Variants in LUZP1 observed in about 807,000 individuals in gnomAD.
LUZP1 encodes filamin mechanobinding actin cross-linking protein.
In LUZP1, 25 loss-of-function variants were observed where a neutral mutation model predicts 71.3. That is an observed-to-expected ratio of 0.35 (90% CI 0.26 to 0.49). The LOEUF is 0.49. LUZP1 is among the 20% of genes least tolerant of loss of function. LUZP1 has a pLI of 0.99. For missense variants in LUZP1, 1,142 were observed against 1,300.8 expected (o/e 0.88, Z 1.88); for synonymous variants, 481 against 506.4 (o/e 0.95, Z 0.67).
intron 2 of LUZP1, among the ~76,000 whole-genome samples, chr1:23,143,253 T>A (rs1027430292): frequency 6.6e-6 from 1 of 152,088 alleles, no homozygotes; most frequent in African/African-American, 2.4e-5. Context: ...GTGATCCACC[T>A]GCCTAAGCCT....
intron 2 of LUZP1, among the ~76,000 whole-genome samples, chr1:23,124,717 G>A (rs1644157726): frequency 6.6e-6 from 1 of 152,128 alleles, no homozygotes; most frequent in Non-Finnish European, 1.5e-5. Flanking sequence ...TCATTTTGGG[G>A]CAAGGAGGTA....
chr1:23,095,505 CCTT>C (rs1394395369), intron 3 of LUZP1, among the ~76,000 whole-genome samples: 4 of 152,168 alleles, frequency 2.6e-5, no homozygotes, highest in Admixed American at 1.3e-4. Flanking sequence ...ACTGAGCTGT[CCTT>C]CTTAGGGTCT....
intron 2 of LUZP1, among the ~76,000 whole-genome samples, chr1:23,148,369 AAAC>A (rs138178761): frequency 0.17 from 25,251 of 152,112 alleles, 2,119 homozygotes; most frequent in East Asian, 0.26. Context: ...TAGCACAACA[AAAC>A]AACAACGACC....
intron 2 of LUZP1, among the ~76,000 whole-genome samples, chr1:23,153,907 C>CT (rs1402904683): frequency 6.6e-6 from 1 of 152,036 alleles, no homozygotes; most frequent in Non-Finnish European, 1.5e-5. Context: ...GAGTGAGACT[C>CT]TATCACACAC....
intron 3 of LUZP1, among the ~76,000 whole-genome samples, chr1:23,099,456 A>G (rs138019463): frequency 1.7e-4 from 22 of 127,702 alleles, no homozygotes; most frequent in African/African-American, 5.8e-4. Flanking sequence ...AATAAAGCAT[A>G]TCTCAATAAA....
chr1:23,104,184 CT>C (rs1184690521), intron 3 of LUZP1, among the ~76,000 whole-genome samples: 218 of 143,118 alleles, frequency 1.5e-3, no homozygotes, highest in African/African-American at 2.2e-3. Context: ...TTTTCTTTTT[CT>C]TTTTTTTTTT....
At chr1:23,165,704 G>C (rs1413668145) in intron 2 of LUZP1, among the ~76,000 whole-genome samples, 1 of 152,076 alleles carries the variant, frequency 6.6e-6, no homozygotes, top group African/African-American at 2.4e-5. Context: ...TATTTGCTAT[G>C]CATCTATTAT....
intron 1 of LUZP1, among the ~76,000 whole-genome samples, chr1:23,169,311 C>G (rs1481413897): frequency 6.6e-6 from 1 of 152,030 alleles, no homozygotes; most frequent in Non-Finnish European, 1.5e-5. Flanking sequence ...CCACTGCACT[C>G]CGGCGTGGGT....
chr1:23,111,351 G>A (rs1204124474), intron 2 of LUZP1, among the ~76,000 whole-genome samples: 2 of 150,548 alleles, frequency 1.3e-5, no homozygotes, highest in African/African-American at 4.9e-5. Flanking sequence ...AGGAGTTCAA[G>A]AACAGCCTGG....
chr1:23,115,778 G>C (rs1485848516), intron 2 of LUZP1, among the ~76,000 whole-genome samples: 1 of 152,064 alleles, frequency 6.6e-6, no homozygotes, highest in African/African-American at 2.4e-5. Context: ...CTGACCTCAA[G>C]TAATCCACCC....
At chr1:23,091,064 A>T in intron 4 of LUZP1, 126 bp downstream of exon 3, 1 of 1,043,144 alleles carries the variant, frequency 9.6e-7, no homozygotes, top group Admixed American at 2.1e-5. Flanking sequence ...CAGTTCTCTA[A>T]GGAACCCAGT....
rs549541205 is a variant in LUZP1 at position 23,091,432 on chromosome 1, C to G, written c.2830G>C (p.Val944Leu). Reference sequence around the variant, plus strand: ...TAGGCATTGCTATTGGTAGATTCCACGTTTTTACCTATTCGAGTTGGGGGG... The same window carrying G: ...TAGGCATTGCTATTGGTAGATTCCAGGTTTTTACCTATTCGAGTTGGGGGG... Residue 944 changes from valine to leucine, a missense_variant, in exon 4 of 5, where the codon GTG becomes CTG. Coordinates refer to ENST00000302291, the Ensembl canonical transcript of LUZP1. The G allele has an allele frequency of 6.8e-6, 11 of 1,614,010 alleles. No individual in the cohort carries two copies. In the South Asian group the frequency reaches 9.9e-5, roughly 14 times the overall value.
chr1:23,092,734 T>A (rs1477152133), exon 4 of LUZP1: 2 of 1,613,766 alleles, frequency 1.2e-6, no homozygotes. Flanking sequence ...TCACTAAACG[T>A]TCGTGTTGTC....
intron 2 of LUZP1, among the ~76,000 whole-genome samples, chr1:23,129,508 G>T (rs1269890954): frequency 1.3e-5 from 2 of 152,194 alleles, no homozygotes; most frequent in Non-Finnish European, 2.9e-5. Context: ...TTGAACCGGG[G>T]AGGCGGAGGT....
chr1:23,092,342 C>A (rs202187077), exon 4 of LUZP1: 1 of 1,614,064 alleles, frequency 6.2e-7, no homozygotes, highest in Non-Finnish European at 8.5e-7. Flanking sequence ...AGGCTTCATG[C>A]GGACTGCTGT....
At position 23,093,850 on chromosome 1, in the gene LUZP1, A is replaced by T. The variant is rs1211924449; in HGVS notation, c.412T>A (p.Cys138Ser). Residue 138 changes from cysteine (C) to serine (S), a missense_variant, in exon 4 of 5, where the codon TGT becomes AGT. Coordinates refer to ENST00000302291, the Ensembl canonical transcript of LUZP1. The surrounding 1 kb of genome is among the most constrained non-coding windows in gnomAD (Gnocchi z 4.2). ...TTTCTCTCCTCATTCAGGCTCAGAC[A>T]CAGCTGGGTACAGTCATTCTTACTC... The T allele has an allele frequency of 1.2e-6, 2 of 1,614,016 alleles. No homozygotes were observed. Among genetic ancestry groups the T allele is most frequent in the Non-Finnish European group, 8.5e-7 (1 of 1,179,992 alleles).
intron 2 of LUZP1, among the ~76,000 whole-genome samples, chr1:23,110,879 C>T (rs757186893): frequency 6.6e-6 from 1 of 152,148 alleles, no homozygotes; most frequent in Non-Finnish European, 1.5e-5. Context: ...GCAATCTTCA[C>T]ACCTTGGCCT....
chr1:23,096,130 G>GAA (rs66618384), intron 3 of LUZP1, among the ~76,000 whole-genome samples: 3 of 134,410 alleles, frequency 2.2e-5, no homozygotes, highest in Admixed American at 7.4e-5. Flanking sequence ...AAGAAGGAAT[G>GAA]AAAAAAAAAA....
chr1:23,083,725 A>G (rs901961246), downstream of LUZP1: 52 of 168,476 alleles, frequency 3.1e-4, no homozygotes, highest in African/African-American at 1.2e-3. Flanking sequence ...GGAGTTACAT[A>G]CAAGATGGGG....
Sources: allele counts gnomAD v4.1 joint callset (sites outside exome capture counted in the v4.1 genomes callset), GRCh38; gene constraint gnomAD v4.1.1; non-coding constraint Gnocchi (gnomAD v3.1); transcripts MANE v1.5; gene names NCBI Gene and HGNC (gene_info 2026-07-23, HGNC 2026-07-21).